STK31: variants seen among roughly 807,000 people sequenced by gnomAD.
STK31 encodes the protein serine/threonine kinase 31, also known as serine/threonine-protein kinase 31.
A neutral mutation model predicts 129.7 loss-of-function variants in STK31; 89 were observed. The ratio of observed to expected loss-of-function variants is 0.69; its 90% confidence interval spans 0.58 to 0.82. STK31 has a LOEUF of 0.82. Among genes scored for constraint, STK31 ranks in the 40% least tolerant of loss-of-function variants. STK31 has a pLI of 0.00. For missense variants in STK31, 1,187 were observed against 1,176.4 expected (o/e 1.01, Z -0.13); for synonymous variants, 448 against 395.3 (o/e 1.13, Z -1.58).
intron 8 of STK31, among the ~76,000 whole-genome samples, chr7:23,739,467 CT>C (rs1488723926): frequency 3.3e-5 from 5 of 152,288 alleles, no homozygotes; most frequent in African/African-American, 1.2e-4. Flanking sequence ...TGCAGAGGCT[CT>C]TTAGTTTAAT....
chr7:23,776,783 T>C (rs891356230), intron 15 of STK31, among the ~76,000 whole-genome samples: 2 of 152,136 alleles, frequency 1.3e-5, no homozygotes, highest in Non-Finnish European at 2.9e-5. Flanking sequence ...CTGGATTCAT[T>C]GATTTTTTTT....
chr7:23,822,209 TG>T (rs1283325438), intron 23 of STK31, among the ~76,000 whole-genome samples: 1 of 152,214 alleles, frequency 6.6e-6, no homozygotes, highest in Admixed American at 6.5e-5. Context: ...GCTTTGAATC[TG>T]TAGATTTCTT....
At chr7:23,830,741 TCTTGAGTAGCTGAGATTATAGGTGTCTG>T (rs1424399614) in intron 23 of STK31, among the ~76,000 whole-genome samples, 2 of 152,056 alleles carry the variant, frequency 1.3e-5, no homozygotes, top group Admixed American at 6.6e-5. Flanking sequence ...TGCCTCAGCC[TCTTGAGTAGCTGAGATTATAGGTGTCTG>T]CCACCACACT....
At chr7:23,742,219 A>G (rs747023050) in intron 8 of STK31, among the ~76,000 whole-genome samples, 4 of 152,214 alleles carry the variant, frequency 2.6e-5, no homozygotes, top group Non-Finnish European at 5.9e-5. Context: ...GCATGGGGCT[A>G]GAGAGAATGA....
chr7:23,717,419 C>T (rs968016571), intron 3 of STK31, 62 bp from the exon 4 acceptor site: 2 of 1,181,374 alleles, frequency 1.7e-6, no homozygotes, highest in South Asian at 1.5e-5. Context: ...TTAGAACCCT[C>T]AAGCGTGTAA....
intron 23 of STK31, among the ~76,000 whole-genome samples, chr7:23,827,159 G>T (rs1287885770): frequency 6.6e-6 from 1 of 152,122 alleles, no homozygotes; most frequent in African/African-American, 2.4e-5. Context: ...GCTAGGTTGG[G>T]GAAGTTCTCC....
rs185367963 is a variant in STK31, at chr7:23,742,447, C to T, written c.1017+5369C>T. 3.7e-4 allele frequency among the ~76,000 whole-genome samples: 56 copies of T among 152,358 alleles called. No homozygotes were observed. In the East Asian group the frequency reaches 9.1e-3, roughly 25 times the overall value. ...CTCTTAAAGTGGCTCCCTGCTGAGG[C>T]TGCTCCAGACTTGGGTGCCTGTGGG... On this transcript the variant is annotated intron_variant, in intron 8 of 23. Coordinates refer to ENST00000355870, the MANE Select transcript of STK31 (RefSeq NM_031414.5).
chr7:23,772,357 A>T, intron 15 of STK31, 79 bp downstream of exon 15: 3 of 1,407,124 alleles, frequency 2.1e-6, no homozygotes, highest in Non-Finnish European at 2.9e-6. Flanking sequence ...AATAATGCAT[A>T]AATACACTCT....
At chr7:23,726,781 A>G (rs1006851123) in intron 4 of STK31, among the ~76,000 whole-genome samples, 1 of 152,192 alleles carries the variant, frequency 6.6e-6, no homozygotes, top group Admixed American at 6.5e-5. Flanking sequence ...ACGTAAAGTA[A>G]AAAGTATGAA....
Position 23,810,940 on chromosome 7 carries a change from TACACACACAC to T in STK31, c.2761-4191_2761-4182del, listed in dbSNP as rs142209476. ...ATATGTATATATGTGTGTGTGTATA[TACACACACAC>T]ACACACACACACCTACATGATGTCT... is the stretch of plus-strand genomic sequence containing the variant. On this transcript the variant is annotated intron_variant, in intron 22 of 23. Coordinates refer to ENST00000355870, the MANE Select transcript of STK31 (RefSeq NM_031414.5). 1.6e-4 allele frequency among the ~76,000 whole-genome samples: 22 copies of T among 140,342 alleles called. No individual in the cohort carries two copies. The East Asian group carries it at 4.4e-3, about 28-fold the overall frequency. 92.1% of individuals were successfully genotyped at this position (140,342 alleles called of 152,430 possible).
At chr7:23,813,181 C>T (rs1793259330) in intron 22 of STK31, among the ~76,000 whole-genome samples, 1 of 144,298 alleles carries the variant, frequency 6.9e-6, no homozygotes, top group Admixed American at 7.5e-5. Context: ...TCATTTCTGT[C>T]ATTTCAATTT....
chr7:23,727,136 A>G (rs1787135557), intron 4 of STK31, 105 bp from the exon 5 acceptor site: 5 of 838,360 alleles, frequency 6.0e-6, no homozygotes, highest in Non-Finnish European at 9.8e-6. Flanking sequence ...AGTTATATAT[A>G]AAGTACTTAT....
At position 23,752,804 on chromosome 7, in the gene STK31, G is replaced by T. The variant is rs756572511; in HGVS notation, c.1105G>T (p.Ala369Ser). Reference sequence around the variant, plus strand: ...AGATACCAGAATGAAAAATCTGGCAGCTAAGATGGAAATACTGAAAGAAAT... The same window carrying T: ...AGATACCAGAATGAAAAATCTGGCATCTAAGATGGAAATACTGAAAGAAAT... ...YIDTRMKNLAAKMEILKEMRH... is the reference protein window; with the variant it reads ...YIDTRMKNLASKMEILKEMRH... The change falls in exon 9 of 24, where the codon GCT becomes TCT. Residue 369 changes from alanine to serine, a missense_variant. By Grantham distance (99) the Ala-to-Ser change is moderately conservative (BLOSUM62 1). This residue lies in a region of STK31 where 975 missense variants were observed against 934.9 expected (regional missense o/e 1.04). Transcript: ENST00000355870. 5.0e-6 allele frequency: 8 copies of T among 1,611,796 alleles called. No homozygotes were observed. The highest frequency in any genetic ancestry group is 6.8e-6 in the Non-Finnish European group (8 of 1,178,520).
intron 21 of STK31, among the ~76,000 whole-genome samples, chr7:23,788,799 C>G (rs942891224): frequency 2.0e-5 from 3 of 152,044 alleles, no homozygotes; most frequent in African/African-American, 7.2e-5. Context: ...AATTATTTTT[C>G]TAAACATTAC....
At chr7:23,795,954 T>A (rs1791925009) in intron 22 of STK31, among the ~76,000 whole-genome samples, 1 of 152,238 alleles carries the variant, frequency 6.6e-6, no homozygotes, top group African/African-American at 2.4e-5. Flanking sequence ...ACTTGCCTTA[T>A]TTCAGATGAG....
intron 3 of STK31, among the ~76,000 whole-genome samples, chr7:23,717,097 C>CTTTTTTTTTTTTTTTTTTTTTTTT (rs70956911): frequency 4.7e-5 from 2 of 42,956 alleles, no homozygotes; most frequent in Non-Finnish European, 8.4e-5. Flanking sequence ...TCGCAACCTG[C>CTTTTTTTTTTTTTTTTTTTTTTTT]TTTTTTTTTT....
chr7:23,816,067 A>G (rs535649878), intron 23 of STK31, among the ~76,000 whole-genome samples: 32 of 152,314 alleles, frequency 2.1e-4, no homozygotes, highest in African/African-American at 7.7e-4. Flanking sequence ...ATGTCCCACG[A>G]AATCATTTTA....
rs528318661 is a variant in STK31, at chr7:23,818,444, A to G, written c.2829+3232A>G. Among the ~76,000 whole-genome samples the G allele has an allele frequency of 2.1e-4, 32 of 152,258 alleles. No homozygotes were observed. The South Asian group carries it at 6.0e-3, about 29-fold the overall frequency. On this transcript the variant is annotated intron_variant, in intron 23 of 23. Transcript: ENST00000355870. ...GTGTTTGATTGTCACAGTAAGATTG[A>G]TCAGTGTGTTCAGGCAGAAAATTTT... is the stretch of plus-strand genomic sequence containing the variant.
intron 22 of STK31, among the ~76,000 whole-genome samples, chr7:23,805,547 C>G (rs370073975): frequency 7.2e-5 from 11 of 152,082 alleles, no homozygotes; most frequent in African/African-American, 2.7e-4. Context: ...TGCAGTGGCA[C>G]TATACAGCTC....
Sources: allele counts gnomAD v4.1 joint callset (sites outside exome capture counted in the v4.1 genomes callset), GRCh38; gene constraint gnomAD v4.1.1; regional missense constraint gnomAD v4.1.1; transcripts MANE v1.5; gene names NCBI Gene and HGNC (gene_info 2026-07-23, HGNC 2026-07-21).